Variants in DHX30 observed in about 807,000 individuals in gnomAD.
DHX30 encodes the protein DExH-box helicase 30.
DHX30 carries 4 observed loss-of-function variants against 116.9 expected under a neutral mutation model. The observed-to-expected ratio is 0.03, with a 90% CI of 0.02 to 0.08. The LOEUF (loss-of-function observed/expected upper bound fraction) is 0.08, where lower values mean the gene tolerates loss of function less well. DHX30 is among the 10% of genes least tolerant of loss of function. The probability of loss-of-function intolerance (pLI) is 1.00; values close to 1 mark genes in which losing one functional copy is unlikely to be tolerated. For missense variants in DHX30, 871 were observed against 1,595.1 expected, an observed-to-expected ratio of 0.55 and a Z score of 7.73; for synonymous variants, 697 against 651.7, an observed-to-expected ratio of 1.07 and a Z score of -1.06.
At position 47,827,507 on chromosome 3, in the gene DHX30, T is replaced by C. The variant is rs367852821; in HGVS notation, c.255+30T>C. 1.2e-4 allele frequency: 198 copies of C among 1,600,782 alleles called. 1 individual carries two copies. The East Asian group carries it at 4.1e-3, about 33-fold the overall frequency. On this transcript the variant is annotated intron_variant, in intron 5 of 21. Coordinates refer to ENST00000445061, the MANE Select transcript of DHX30 (RefSeq NM_138615.3). The stretch of plus-strand genomic sequence containing the variant: ...CTCTGCTGGTGGCAAGGAAAAACAT[T>C]GGTATGACTCAGAAAGGAGGCTGTT...
chr3:47,849,913 G>T lies in DHX30; in HGVS notation c.3378G>T (p.Leu1126=). The T allele has an allele frequency of 4.3e-6, 7 of 1,613,496 alleles. No individual in the cohort carries two copies. Among genetic ancestry groups the T allele is most frequent in the Non-Finnish European group, 5.9e-6 (7 of 1,179,822 alleles). ...TCTCACTGAGCGACAGTGACCTGCTGCGGCTGGAGGGTGACTCGCGTACCG... is the reference window on the plus strand; with the variant it reads ...TCTCACTGAGCGACAGTGACCTGCTTCGGCTGGAGGGTGACTCGCGTACCG... ...ATISLSDSDL[L]RLEGDSRTVR... The change falls in exon 22 of 22, where the codon CTG becomes CTT. Residue 1126 remains leucine (L), a synonymous_variant. Transcript: ENST00000445061.
At chr3:47,835,199 G>A (rs1217360933) in intron 6 of DHX30, among the ~76,000 whole-genome samples, 4 of 143,816 alleles carry the variant, frequency 2.8e-5, no homozygotes, top group South Asian at 2.2e-4. Context: ...TTGACATGGA[G>A]GTTCGCTCTT....
chr3:47,818,283 G>T (rs981762037), intron 4 of DHX30, among the ~76,000 whole-genome samples, 166 bp downstream of exon 4: 13 of 152,180 alleles, frequency 8.5e-5, no homozygotes, highest in Non-Finnish European at 1.9e-4. Context: ...ACTTGGAAAA[G>T]TCTGGATTTT....
intron 4 of DHX30, among the ~76,000 whole-genome samples, chr3:47,821,494 C>T (rs1207910062): frequency 6.6e-6 from 1 of 152,120 alleles, no homozygotes; most frequent in East Asian, 1.9e-4. Flanking sequence ...GTCTCAAACT[C>T]CTGACCTCAG....
In DHX30 at chr3:47,847,770, T is replaced by C. The variant is rs1397373804; in HGVS notation, c.2111-11T>C. On this transcript the variant is annotated splice_polypyrimidine_tract_variant and intron_variant, in intron 13 of 21. Transcript: ENST00000445061. The surrounding 1 kb of genome is among the most constrained non-coding windows in gnomAD (Gnocchi z 5.5). ...GCAGTGCCCATAACTGGTGTGTGTCTTGCCCACCAGTGCACTCCAACATCC... is the reference window on the plus strand; with the variant it reads ...GCAGTGCCCATAACTGGTGTGTGTCCTGCCCACCAGTGCACTCCAACATCC... 1 of 1,611,058 alleles carries C rather than the reference T, an allele frequency of 6.2e-7. No individual in the cohort carries two copies. The highest frequency in any genetic ancestry group is 8.5e-7 in the Non-Finnish European group (1 of 1,177,854).
At chr3:47,821,105 C>T (rs181627629) in intron 4 of DHX30, among the ~76,000 whole-genome samples, 26 of 152,012 alleles carry the variant, frequency 1.7e-4, no homozygotes, top group Non-Finnish European at 3.4e-4. Context: ...AGGCATGCAC[C>T]AGCATGCCCA....
Position 47,846,720 on chromosome 3 carries a change from C to T in DHX30, c.1648C>T (p.Leu550=), listed in dbSNP as rs2107135219. The change falls in exon 11 of 22, where the codon CTG becomes TTG. Residue 550 remains leucine (L), a synonymous_variant. Transcript: ENST00000445061. ...LLRKLQSNPS[L]EGVSHVIVDE... ...GCGTAAGCTGCAGAGCAACCCCAGC[C>T]TGGAGGGCGTGAGCCACGTCATCGT... 6.2e-7 allele frequency: 1 copy of T among 1,614,036 alleles called. No homozygotes were observed. Among genetic ancestry groups the T allele is most frequent in the Middle Eastern group, 1.6e-4 (1 of 6,062 alleles).
chr3:47,846,800 G>A lies in DHX30; in HGVS notation c.1728G>A (p.Lys576=). 1 of 1,613,562 alleles carries A rather than the reference G, an allele frequency of 6.2e-7. No individual in the cohort carries two copies. Among genetic ancestry groups the A allele is most frequent in the Non-Finnish European group, 8.5e-7 (1 of 1,179,916 alleles). Residue 576 remains lysine (K), a synonymous_variant, in exon 11 of 22, where the codon AAG becomes AAA. Coordinates refer to ENST00000445061, the MANE Select transcript of DHX30 (RefSeq NM_138615.3). ...VNTDFLLILL[K]GLQRLNPALR... ...CAGACTTTCTGCTGATCCTGCTCAA[G>A]GGCCTGCAGCGGCTCAACCCGGCCC... is the stretch of plus-strand genomic sequence containing the variant.
chr3:47,844,715 C>T (rs1483871309), intron 9 of DHX30, among the ~76,000 whole-genome samples: 1 of 152,222 alleles, frequency 6.6e-6, no homozygotes, highest in Non-Finnish European at 1.5e-5. Context: ...GTGACAGGAA[C>T]ACAAGACTAG....
rs35281442 is a variant in DHX30 at position 47,816,917 on chromosome 3, T to TA, written c.29-1094dup. 483 of 913,450 alleles carry TA rather than the reference T, an allele frequency of 5.3e-4. 1 individual carries two copies. The highest frequency in any genetic ancestry group is 3.1e-3 in the Admixed American group (50 of 16,034). 56.6% of individuals were successfully genotyped at this position (913,450 alleles called of 1,614,324 possible). A position where few individuals can be genotyped will look rare whatever the true frequency, so the allele number is the denominator to read the frequency against. On this transcript the variant is annotated intron_variant, in intron 3 of 21. Coordinates refer to ENST00000445061, the MANE Select transcript of DHX30 (RefSeq NM_138615.3). ...TATAGGTATAGGCACTCAATTTTAATAAAAAAAAAAATAGCTGAAAGGGCT... is the reference window on the plus strand; with the variant it reads ...TATAGGTATAGGCACTCAATTTTAATAAAAAAAAAAAATAGCTGAAAGGGCT...
intron 4 of DHX30, among the ~76,000 whole-genome samples, chr3:47,820,127 A>T (rs915183647): frequency 6.6e-6 from 1 of 152,224 alleles, no homozygotes; most frequent in Non-Finnish European, 1.5e-5. Flanking sequence ...AGCCTGGCCA[A>T]CATGGTGAAA....
In DHX30 at chr3:47,848,231, C is replaced by T; in HGVS notation, c.2338C>T (p.Arg780Trp). ...ATCAAGAGCCAATGTGATCCAGCGC[C>T]GGGGCCGGGCGGGCCGCTGCCAGTC... ...WVSRANVIQR[R>W]GRAGRCQSGF... The change falls in exon 15 of 22, where the codon CGG becomes TGG. Residue 780 changes from arginine (R) to tryptophan (W), a missense_variant. Arg to Trp is a moderately radical substitution (Grantham distance 101). This residue lies in a region of DHX30 where 20 missense variants were observed against 82.2 expected (regional missense o/e 0.24). Coordinates refer to ENST00000445061, the MANE Select transcript of DHX30 (RefSeq NM_138615.3). The surrounding 1 kb of genome is among the most constrained non-coding windows in gnomAD (Gnocchi z 9.4). 1.9e-6 allele frequency: 3 copies of T among 1,613,432 alleles called. No individual in the cohort carries two copies. Among genetic ancestry groups the T allele is most frequent in the South Asian group, 1.1e-5 (1 of 91,082 alleles).
At chr3:47,826,685 C>T (rs1335557743) in intron 4 of DHX30, among the ~76,000 whole-genome samples, 4 of 149,802 alleles carry the variant, frequency 2.7e-5, no homozygotes, top group African/African-American at 1.0e-4. Context: ...AACTCCTGAC[C>T]TTGTGATCCA....
At chr3:47,806,126 C>G (rs2035507550) in intron 2 of DHX30, among the ~76,000 whole-genome samples, 1 of 149,006 alleles carries the variant, frequency 6.7e-6, no homozygotes, top group African/African-American at 2.5e-5. Context: ...TGCCACCAAG[C>G]CCGGCTAATT....
At chr3:47,818,439 G>C (rs1449181156) in intron 4 of DHX30, among the ~76,000 whole-genome samples, 1 of 152,130 alleles carries the variant, frequency 6.6e-6, no homozygotes, top group Non-Finnish European at 1.5e-5. Context: ...GAGGCTCCTA[G>C]AAGTCCCTGA....
chr3:47,804,510 G>A (rs1296296438), intron 1 of DHX30, among the ~76,000 whole-genome samples: 1 of 152,194 alleles, frequency 6.6e-6, no homozygotes, highest in Non-Finnish European at 1.5e-5. Context: ...AGCCAAGATC[G>A]CGCCATTTCA....
In DHX30 at chr3:47,846,680, T is replaced by C. The variant is rs2037621574; in HGVS notation, c.1608T>C (p.Thr536=). 6.2e-7 allele frequency: 1 copy of C among 1,613,986 alleles called. No homozygotes were observed. The highest frequency in any genetic ancestry group is 1.7e-5 in the Admixed American group (1 of 60,012). ...PSRGGALLFC[T]VGILLRKLQS... ...GAGGCGGGGCCCTGCTCTTCTGCAC[T>C]GTGGGTATCCTGCTGCGTAAGCTGC... is the stretch of plus-strand genomic sequence containing the variant. The change falls in exon 11 of 22, where the codon ACT becomes ACC. Residue 536 remains threonine (T), a synonymous_variant. Transcript: ENST00000445061.
At chr3:47,846,021 C>A in intron 10 of DHX30, 144 bp from the exon 11 acceptor site, 1 of 1,391,466 alleles carries the variant, frequency 7.2e-7, no homozygotes, top group Non-Finnish European at 9.7e-7. Context: ...CCACAAGGAT[C>A]CCGGGGCAGT....
At chr3:47,814,890 AT>A (rs879392900) in intron 3 of DHX30, among the ~76,000 whole-genome samples, 171 of 144,984 alleles carry the variant, frequency 1.2e-3, no homozygotes, top group Middle Eastern at 7.0e-3. Flanking sequence ...TAAAAAAATA[AT>A]TTTTTTTTTT....
Sources: gnomAD v4.1 joint callset for allele counts (sites outside exome capture counted in the v4.1 genomes callset) on GRCh38, gnomAD v4.1.1 for gene constraint, gnomAD v4.1.1 regional missense constraint, Gnocchi (gnomAD v3.1) non-coding constraint, MANE v1.5 for transcripts, NCBI Gene and HGNC (gene_info 2026-07-23, HGNC 2026-07-21) for gene names.